NKAIN2: variants seen among roughly 807,000 people sequenced by gnomAD.
NKAIN2 encodes the protein sodium/potassium-transporting ATPase subunit beta-1-interacting protein 2.
Under a neutral mutation model 32.6 loss-of-function variants are expected in NKAIN2, and 14 were observed. That is an observed-to-expected ratio of 0.43 (90% CI 0.28 to 0.67). NKAIN2 has a LOEUF of 0.67. NKAIN2 is among the 30% of genes least tolerant of loss of function. The probability of loss-of-function intolerance (pLI) is 0.17; values close to 1 mark genes in which losing one functional copy is unlikely to be tolerated. For synonymous variants in NKAIN2, 80 were observed against 87.2 expected (o/e 0.92, Z 0.46); for missense variants, 198 against 258.3 (o/e 0.77, Z 1.60).
In NKAIN2 at chr6:124,649,662, A is replaced by G. The variant is rs577042992; in HGVS notation, c.274-8524A>G. ...CAAAACCAGACAAAGGCAGCACAAA[A>G]AAAGAAAACTGTAGTCCAATATCCC... On this transcript the variant is annotated intron_variant, in intron 3 of 6. Coordinates refer to ENST00000368417, the MANE Select transcript of NKAIN2 (RefSeq NM_001040214.3). 4.6e-5 allele frequency among the ~76,000 whole-genome samples: 7 copies of G among 152,298 alleles called. No homozygotes were observed. In the East Asian group the frequency reaches 1.4e-3, roughly 29 times the overall value.
intron 1 of NKAIN2, among the ~76,000 whole-genome samples, chr6:123,840,816 A>G (rs970457414): frequency 6.6e-6 from 1 of 152,154 alleles, no homozygotes. Context: ...CATTAATTAC[A>G]CTTGATATTT....
At chr6:124,235,022 A>G (rs1792672955) in intron 1 of NKAIN2, among the ~76,000 whole-genome samples, 2 of 152,160 alleles carry the variant, frequency 1.3e-5, no homozygotes, top group African/African-American at 2.4e-5. Flanking sequence ...AAAGCACACA[A>G]TGGAATTTTC....
chr6:124,030,767 A>G (rs1174603011), intron 1 of NKAIN2, among the ~76,000 whole-genome samples: 1 of 152,210 alleles, frequency 6.6e-6, no homozygotes, highest in African/African-American at 2.4e-5. Context: ...AGCCTAAGTT[A>G]GTGTCTGGAA....
chr6:123,995,302 A>C (rs1029708288), intron 1 of NKAIN2, among the ~76,000 whole-genome samples: 1 of 152,202 alleles, frequency 6.6e-6, no homozygotes, highest in Non-Finnish European at 1.5e-5. Flanking sequence ...AATATACCAA[A>C]AACGAGAGAG....
chr6:124,598,443 C>T (rs17052129), intron 3 of NKAIN2, among the ~76,000 whole-genome samples: 2,783 of 152,132 alleles, frequency 0.018, 69 homozygotes, highest in East Asian at 0.094. Flanking sequence ...AGTTAATACC[C>T]TCATACTGTG....
chr6:124,196,781 T>G (rs960093589), intron 1 of NKAIN2, among the ~76,000 whole-genome samples: 2 of 152,004 alleles, frequency 1.3e-5, no homozygotes, highest in Admixed American at 1.3e-4. Context: ...ACATAATATA[T>G]TTGTATCATG....
At chr6:124,321,190 C>T (rs1049693900) in intron 2 of NKAIN2, among the ~76,000 whole-genome samples, 1 of 152,172 alleles carries the variant, frequency 6.6e-6, no homozygotes, top group Non-Finnish European at 1.5e-5. Flanking sequence ...CATCTGTTTT[C>T]CCATTGATTA....
At chr6:124,552,420 C>G (rs1274110147) in intron 3 of NKAIN2, among the ~76,000 whole-genome samples, 1 of 152,206 alleles carries the variant, frequency 6.6e-6, no homozygotes, top group South Asian at 2.1e-4. Context: ...CAATCTTCAG[C>G]TCATATCCTT....
At chr6:124,184,361 T>G (rs988543219) in intron 1 of NKAIN2, among the ~76,000 whole-genome samples, 9 of 152,270 alleles carry the variant, frequency 5.9e-5, no homozygotes, top group African/African-American at 2.2e-4. Context: ...TAAAAACCTC[T>G]CTAATACATT....
intron 5 of NKAIN2, among the ~76,000 whole-genome samples, chr6:124,805,076 A>G (rs957941637): frequency 4.6e-5 from 7 of 152,038 alleles, no homozygotes; most frequent in Admixed American, 1.3e-4. Flanking sequence ...GGCACAGACA[A>G]AAAGACAGCA....
rs1051298995 is a variant in NKAIN2, at chr6:123,804,184, CA to C, written c.-16del. ...CCGACGTGGGACAGTCTGGCTGTGGCAGGGGTCTCGGAAACCATGGGTTATT... is the reference window on the plus strand; with the variant it reads ...CCGACGTGGGACAGTCTGGCTGTGGCGGGGTCTCGGAAACCATGGGTTATT... On this transcript the variant is annotated 5_prime_UTR_variant, in exon 1 of 7. Transcript: ENST00000368417. 2.5e-6 allele frequency: 4 copies of C among 1,612,670 alleles called. No individual in the cohort carries two copies. In the African/African-American group the frequency reaches 4.0e-5, roughly 16 times the overall value.
intron 1 of NKAIN2, among the ~76,000 whole-genome samples, chr6:124,220,171 A>C (rs922920598): frequency 1.3e-5 from 2 of 152,022 alleles, no homozygotes; most frequent in Non-Finnish European, 2.9e-5. Flanking sequence ...GTGAGTTCTC[A>C]CAGAAACTGC....
At chr6:124,494,143 C>T (rs567347526) in intron 3 of NKAIN2, among the ~76,000 whole-genome samples, 80 of 152,172 alleles carry the variant, frequency 5.3e-4, no homozygotes, top group Admixed American at 1.6e-3. Flanking sequence ...CAAAATGAAT[C>T]GTATTGCATG....
intron 1 of NKAIN2, among the ~76,000 whole-genome samples, chr6:123,844,203 C>A (rs865815826): frequency 6.6e-6 from 1 of 152,132 alleles, no homozygotes; most frequent in African/African-American, 2.4e-5. Flanking sequence ...GAACCCCAAC[C>A]GTGTCCTAAA....
At chr6:124,602,946 T>TA (rs1246176003) in intron 3 of NKAIN2, among the ~76,000 whole-genome samples, 1 of 151,886 alleles carries the variant, frequency 6.6e-6, no homozygotes, top group Non-Finnish European at 1.5e-5. Context: ...AATCTCCAAA[T>TA]ACCATCACAT....
At chr6:124,360,423 A>G (rs1799229975) in intron 3 of NKAIN2, among the ~76,000 whole-genome samples, 2 of 152,170 alleles carry the variant, frequency 1.3e-5, no homozygotes, top group South Asian at 4.1e-4. Context: ...GTACATTCAT[A>G]TTGAAATGAC....
chr6:124,000,558 T>C lies in NKAIN2; in HGVS notation c.54+196304T>C, dbSNP rs550698953. 2.0e-4 allele frequency among the ~76,000 whole-genome samples: 31 copies of C among 152,174 alleles called. 2 individuals carry two copies. In the South Asian group the frequency reaches 6.2e-3, roughly 31 times the overall value. On this transcript the variant is annotated intron_variant, in intron 1 of 6. Coordinates refer to ENST00000368417, the MANE Select transcript of NKAIN2 (RefSeq NM_001040214.3). ...GCCGGATGAAAAAAGAAGAGATCCT[T>C]GTTATCTCTTCTGCCTTTTATTTTA...
At chr6:124,784,893 T>C (rs757731087) in intron 4 of NKAIN2, among the ~76,000 whole-genome samples, 28 of 152,166 alleles carry the variant, frequency 1.8e-4, no homozygotes, top group Non-Finnish European at 3.1e-4. Flanking sequence ...CTAAGTTTGA[T>C]TGTCATGCAT....
At position 123,970,386 on chromosome 6, in the gene NKAIN2, GA is replaced by G. The variant is rs1431743774; in HGVS notation, c.54+166136del. 3.3e-5 allele frequency among the ~76,000 whole-genome samples: 5 copies of G among 152,050 alleles called. No individual in the cohort carries two copies. In the East Asian group the frequency reaches 7.7e-4, roughly 23 times the overall value. On this transcript the variant is annotated intron_variant, in intron 1 of 6. Coordinates refer to ENST00000368417, the MANE Select transcript of NKAIN2 (RefSeq NM_001040214.3). Reference sequence around the variant, plus strand: ...AAATAAATTTAAAGGAGCATAAAATGAAAACACAGATGGGATTCTAATTGCC... The same window carrying G: ...AAATAAATTTAAAGGAGCATAAAATGAAACACAGATGGGATTCTAATTGCC...
Sources: allele counts gnomAD v4.1 joint callset (sites outside exome capture counted in the v4.1 genomes callset), GRCh38; gene constraint gnomAD v4.1.1; transcripts MANE v1.5; gene names NCBI Gene and HGNC (gene_info 2026-07-23, HGNC 2026-07-21).